The following LINGO2 variants were observed in gnomAD, a reference collection of about 807,000 sequenced individuals.
The protein encoded by LINGO2 is leucine rich repeat and Ig domain containing 2, also known as leucine-rich repeat and immunoglobulin-like domain-containing nogo receptor-interacting protein 2.
Under a neutral mutation model 30.6 loss-of-function variants are expected in LINGO2, and 14 were observed. The observed-to-expected ratio is 0.46, with a 90% confidence interval of 0.30 to 0.72. LINGO2 has a LOEUF of 0.72. Among genes scored for constraint, LINGO2 ranks in the 30% least tolerant of loss-of-function variants. LINGO2 has a pLI of 0.07. For synonymous variants in LINGO2, 317 were observed against 288.5 expected, an observed-to-expected ratio of 1.10 and a Z score of -1.00; for missense variants, 729 against 751.7, an observed-to-expected ratio of 0.97 and a Z score of 0.35.
At chr9:28,631,012 T>C (rs910982572) in intron 1 of LINGO2, among the ~76,000 whole-genome samples, 7 of 151,924 alleles carry the variant, frequency 4.6e-5, no homozygotes, top group Non-Finnish European at 1.5e-5. Context: ...CTGGGCAAGA[T>C]TATAAGGAAC....
chr9:27,982,002 C>T (rs984161064), intron 5 of LINGO2, among the ~76,000 whole-genome samples: 2 of 151,856 alleles, frequency 1.3e-5, no homozygotes, highest in Non-Finnish European at 2.9e-5. Context: ...ATGGGGCAGA[C>T]ACCACGCTCT....
At chr9:27,952,535 A>T (rs1266858026) in intron 5 of LINGO2, among the ~76,000 whole-genome samples, 1 of 152,044 alleles carries the variant, frequency 6.6e-6, no homozygotes, top group African/African-American at 2.4e-5. Context: ...CAATGCATTC[A>T]CACATAAGAT....
intron 4 of LINGO2, among the ~76,000 whole-genome samples, chr9:28,212,122 C>T (rs1314913438): frequency 6.6e-6 from 1 of 151,278 alleles, no homozygotes; most frequent in Non-Finnish European, 1.5e-5. Context: ...TAACTTTGAG[C>T]TTTGTCTTTC....
chr9:27,976,769 C>G (rs1930002), intron 5 of LINGO2, among the ~76,000 whole-genome samples: 41,838 of 151,886 alleles, frequency 0.28, 6,846 homozygotes, highest in East Asian at 0.45. Flanking sequence ...GGTGATTAAG[C>G]TTTAAGAAAG....
chr9:28,242,881 T>A (rs964728313), intron 4 of LINGO2, among the ~76,000 whole-genome samples: 4 of 152,118 alleles, frequency 2.6e-5, no homozygotes, highest in Non-Finnish European at 5.9e-5. Flanking sequence ...CTAAGCTTCA[T>A]AAGTGAAGGA....
At chr9:28,826,630 A>G in the LINGO2 span, among the ~76,000 whole-genome samples, 1 of 152,234 alleles carries the variant, frequency 6.6e-6, no homozygotes, top group Non-Finnish European at 1.5e-5. Flanking sequence ...AATGCTGACA[A>G]TAAACACTGA....
the LINGO2 span, among the ~76,000 whole-genome samples, chr9:28,969,293 C>T: frequency 6.6e-6 from 1 of 151,832 alleles, no homozygotes; most frequent in Non-Finnish European, 1.5e-5. Flanking sequence ...GTAAAGTCTT[C>T]AAAGGAAAGA....
the LINGO2 span, among the ~76,000 whole-genome samples, chr9:28,970,026 C>T: frequency 7.6e-4 from 116 of 151,710 alleles, no homozygotes; most frequent in South Asian, 1.5e-3. Context: ...GGATTTCTGA[C>T]AATGAGATGT....
the LINGO2 span, among the ~76,000 whole-genome samples, chr9:28,947,616 C>T: frequency 7.2e-4 from 109 of 151,918 alleles, 2 homozygotes; most frequent in East Asian, 0.019. Flanking sequence ...GAATCTCAAA[C>T]TTGTAGACTG....
In LINGO2 at chr9:28,666,174, G is replaced by A. The variant is rs118101048; in HGVS notation, c.-365+4026C>T. ...CCCAAAATGTTGGGATTACAGGTGTGAGTCACTGCGCCCGGCTTAGTGTTA... is the reference window on the plus strand; with the variant it reads ...CCCAAAATGTTGGGATTACAGGTGTAAGTCACTGCGCCCGGCTTAGTGTTA... On this transcript the variant is annotated intron_variant, in intron 1 of 5. Transcript: ENST00000379992. Among the ~76,000 whole-genome samples the A allele has an allele frequency of 8.4e-3, 1,274 of 152,202 alleles. 29 individuals carry two copies. Among genetic ancestry groups the A allele is most frequent in the Admixed American group, 0.035 (538 of 15,294 alleles).
At chr9:28,373,145 T>C (rs1820970595) in intron 2 of LINGO2, among the ~76,000 whole-genome samples, 1 of 152,190 alleles carries the variant, frequency 6.6e-6, no homozygotes, top group African/African-American at 2.4e-5. Flanking sequence ...TGAGTAAAAA[T>C]GCAGAGGGGA....
chr9:28,611,874 G>A (rs987053997), intron 1 of LINGO2, among the ~76,000 whole-genome samples: 2 of 151,770 alleles, frequency 1.3e-5, no homozygotes, highest in Middle Eastern at 3.4e-3. Context: ...AGGCTGGAGT[G>A]CAGTGGCGCG....
At chr9:28,365,574 G>A (rs1250718737) in intron 3 of LINGO2, among the ~76,000 whole-genome samples, 2 of 104,528 alleles carry the variant, frequency 1.9e-5, no homozygotes, top group Non-Finnish European at 3.9e-5. Context: ...GGTAGCAAGT[G>A]AGTAGGCAGT....
At chr9:27,988,469 G>C (rs1026463269) in intron 5 of LINGO2, among the ~76,000 whole-genome samples, 14 of 152,034 alleles carry the variant, frequency 9.2e-5, no homozygotes, top group African/African-American at 2.7e-4. Flanking sequence ...CCCACCAACA[G>C]TGTAAAAGTG....
At chr9:28,051,604 G>T (rs752131011) in intron 4 of LINGO2, among the ~76,000 whole-genome samples, 1 of 151,962 alleles carries the variant, frequency 6.6e-6, no homozygotes, top group Non-Finnish European at 1.5e-5. Context: ...TTTCACTTAC[G>T]ATCTCATTCA....
intron 2 of LINGO2, among the ~76,000 whole-genome samples, chr9:28,426,561 G>T (rs977543446): frequency 1.3e-5 from 2 of 152,074 alleles, no homozygotes; most frequent in Non-Finnish European, 2.9e-5. Flanking sequence ...TTGTTAGCTT[G>T]AAGGGAGCAC....
rs180970675 is a variant in LINGO2, at chr9:28,571,654, A to T, written c.-364-95629T>A. ...CCACTTCTTTTGTATGGCTTTTAATACTTGACTCCATATGAATTGGTTTTT... is the reference window on the plus strand; with the variant it reads ...CCACTTCTTTTGTATGGCTTTTAATTCTTGACTCCATATGAATTGGTTTTT... On this transcript the variant is annotated intron_variant, in intron 1 of 5. Coordinates refer to ENST00000379992, the Ensembl canonical transcript of LINGO2. Among the ~76,000 whole-genome samples the T allele has an allele frequency of 6.0e-3, 918 of 152,252 alleles. 3 individuals are homozygous for T. The highest frequency in any genetic ancestry group is 0.02 in the Middle Eastern group (6 of 294).
At chr9:28,641,067 T>C (rs62548217) in intron 1 of LINGO2, among the ~76,000 whole-genome samples, 13,721 of 152,080 alleles carry the variant, frequency 0.09, 880 homozygotes, top group Admixed American at 0.22. Flanking sequence ...GGAGTCTCAC[T>C]CTGTCGCCCA....
chr9:28,851,139 A>G, the LINGO2 span, among the ~76,000 whole-genome samples: 1 of 152,046 alleles, frequency 6.6e-6, no homozygotes, highest in African/African-American at 2.4e-5. Flanking sequence ...TTAGTTTCCT[A>G]TTACTTCTAT....
Sources: allele counts gnomAD v4.1 joint callset (sites outside exome capture counted in the v4.1 genomes callset), GRCh38; gene constraint gnomAD v4.1.1; transcripts MANE v1.5; gene names NCBI Gene and HGNC (gene_info 2026-07-23, HGNC 2026-07-21).